The following PCBP3 variants were observed in gnomAD, a reference collection of about 807,000 sequenced individuals.
PCBP3 encodes the protein poly(rC)-binding protein 3.
PCBP3 carries 25 observed loss-of-function variants against 52.7 expected under a neutral mutation model. That is an observed-to-expected ratio of 0.47 (90% confidence interval 0.35 to 0.66). PCBP3 has a LOEUF of 0.66. Ranked by LOEUF, PCBP3 falls within the 30% of genes least tolerant of loss-of-function variation. The pLI is 0.01. For missense variants in PCBP3, 391 were observed against 490.3 expected, an observed-to-expected ratio of 0.80 and a Z score of 1.91; for synonymous variants, 162 against 183.0, an observed-to-expected ratio of 0.89 and a Z score of 0.93.
chr21:45,704,745 A>G lies in PCBP3; in HGVS notation c.-199-30647A>G, dbSNP rs556675349. Among the ~76,000 whole-genome samples the G allele has an allele frequency of 1.3e-5, 2 of 152,334 alleles. No individual in the cohort carries two copies. Among genetic ancestry groups the G allele is most frequent in the East Asian group, 1.9e-4 (1 of 5,190 alleles). ...TGGAAGAACAGAAGTTGCTGCTGGC[A>G]GAGTTCCAAAACATGAAAATGTAAA... On this transcript the variant is annotated intron_variant, in intron 2 of 17. Transcript: ENST00000681687. This position sits in a 1 kb window ranked among gnomAD's most constrained non-coding sequence, Gnocchi z 4.1.
intron 5 of PCBP3, among the ~76,000 whole-genome samples, 192 bp downstream of exon 5, chr21:45,850,287 TAGC>T (rs2093944181): frequency 6.6e-6 from 1 of 152,226 alleles, no homozygotes; most frequent in African/African-American, 2.4e-5. Flanking sequence ...CTGCTTTTGA[TAGC>T]AGTGAGCTGG....
In PCBP3 at chr21:45,737,563, G is replaced by A. The variant is rs1004598529; in HGVS notation, c.-162+2134G>A. Among the ~76,000 whole-genome samples the A allele has an allele frequency of 1.3e-5, 2 of 152,192 alleles. No individual in the cohort carries two copies. The highest frequency in any genetic ancestry group is 2.4e-5 in the African/African-American group (1 of 41,450). On this transcript the variant is annotated intron_variant, in intron 3 of 17. Transcript: ENST00000681687. This position sits in a 1 kb window ranked among gnomAD's most constrained non-coding sequence, Gnocchi z 4.9. ...ATAAACCAGCGTGCTGGGGTGGGGC[G>A]AGCCCGACCATGCAAGCCATGCCCC...
At chr21:45,646,100 T>TCTCTCG (rs2079272369) in intron 1 of PCBP3, among the ~76,000 whole-genome samples, 11 of 99,670 alleles carry the variant, frequency 1.1e-4, no homozygotes, top group African/African-American at 3.6e-4. Context: ...TCTCTCTCTC[T>TCTCTCG]CTCTCTCTGT....
At chr21:45,916,249 AG>A (rs1481686039) in intron 12 of PCBP3, 2 of 152,298 alleles carry the variant, frequency 1.3e-5, no homozygotes, top group Non-Finnish European at 2.9e-5. Context: ...GGCGGCTCCC[AG>A]CATGAGTTCC....
chr21:45,672,652 A>G (rs2081244048), intron 2 of PCBP3, among the ~76,000 whole-genome samples: 1 of 152,002 alleles, frequency 6.6e-6, no homozygotes, highest in Non-Finnish European at 1.5e-5. Flanking sequence ...GGGTATCTTG[A>G]GGCTTAACAT....
chr21:45,816,328 C>T (rs1018423962), intron 4 of PCBP3, among the ~76,000 whole-genome samples: 9 of 152,014 alleles, frequency 5.9e-5, no homozygotes, highest in African/African-American at 1.9e-4. Flanking sequence ...TAACTTTTGA[C>T]TCTTTTGTAA....
intron 13 of PCBP3, among the ~76,000 whole-genome samples, chr21:45,923,371 T>G (rs1261137223): frequency 6.6e-6 from 1 of 152,240 alleles, no homozygotes; most frequent in East Asian, 1.9e-4. Flanking sequence ...TGGCCCCACC[T>G]GCTGTCAGAG....
intron 5 of PCBP3, among the ~76,000 whole-genome samples, chr21:45,851,467 G>A (rs1432402782): frequency 6.6e-6 from 1 of 152,196 alleles, no homozygotes; most frequent in Non-Finnish European, 1.5e-5. Flanking sequence ...AGCCAAGATT[G>A]TGCCCTTGCA....
chr21:45,739,984 A>C (rs1027048664), intron 3 of PCBP3, among the ~76,000 whole-genome samples: 1 of 152,156 alleles, frequency 6.6e-6, no homozygotes, highest in Non-Finnish European at 1.5e-5. Context: ...ATCCACCCTC[A>C]CTTGCCTAGT....
At position 45,896,321 on chromosome 21, in the gene PCBP3, C is replaced by T; in HGVS notation, c.124C>T (p.Leu42=). The T allele has an allele frequency of 6.4e-7, 1 of 1,552,082 alleles. No homozygotes were observed. Among genetic ancestry groups the T allele is most frequent in the Non-Finnish European group, 8.7e-7 (1 of 1,147,116 alleles). ...GGAGTCCAAGGTCTCAGAAGGTGGCCTGAATGTGACCCTCACCATCCGCCT... is the reference window on the plus strand; with the variant it reads ...GGAGTCCAAGGTCTCAGAAGGTGGCTTGAATGTGACCCTCACCATCCGCCT... The part of the protein sequence containing the change: ...RMESKVSEGG[L]NVTLTIRLLM... The change falls in exon 6 of 18, where the codon CTG becomes TTG. Residue 42 remains leucine (L), a synonymous_variant. Transcript: ENST00000681687.
At chr21:45,653,695 TAATTGG>T (rs2079833694) in intron 1 of PCBP3, among the ~76,000 whole-genome samples, 1 of 152,182 alleles carries the variant, frequency 6.6e-6, no homozygotes, top group African/African-American at 2.4e-5. Flanking sequence ...CTTTGTCTTT[TAATTGG>T]AACAGTTCAT....
Position 45,740,584 on chromosome 21 carries a change from G to A in PCBP3, c.-162+5155G>A, listed in dbSNP as rs180944349. On this transcript the variant is annotated intron_variant, in intron 3 of 17. Coordinates refer to ENST00000681687, the MANE Select transcript of PCBP3 (RefSeq NM_001384156.1). ...CTGAACCTAGAAAGCTGAGAGGTGCGTGTGTGTGTGCATGTGAGTGTGTGT... is the reference window on the plus strand; with the variant it reads ...CTGAACCTAGAAAGCTGAGAGGTGCATGTGTGTGTGCATGTGAGTGTGTGT... Among the ~76,000 whole-genome samples the A allele has an allele frequency of 1.1e-3, 166 of 151,282 alleles. 1 individual carries two copies. Among genetic ancestry groups the A allele is most frequent in the African/African-American group, 3.8e-3 (158 of 41,040 alleles).
Position 45,827,105 on chromosome 21 carries a change from C to T in PCBP3, c.-125-22856C>T, listed in dbSNP as rs1055784945. Among the ~76,000 whole-genome samples, 3 of 152,194 alleles carry T rather than the reference C, an allele frequency of 2.0e-5. No homozygotes were observed. Among genetic ancestry groups the T allele is most frequent in the Admixed American group, 1.3e-4 (2 of 15,286 alleles). On this transcript the variant is annotated intron_variant, in intron 4 of 17. Transcript: ENST00000681687. This position sits in a 1 kb window ranked among gnomAD's most constrained non-coding sequence, Gnocchi z 4.3. ...CTCTCAAGAGCGCTCCCCACTCCCG[C>T]GTCCCTGGGGACCACACGGGGACTG...
chr21:45,839,662 T>A (rs964975), intron 4 of PCBP3, among the ~76,000 whole-genome samples: 2 of 152,134 alleles, frequency 1.3e-5, no homozygotes, highest in Non-Finnish European at 2.9e-5. Flanking sequence ...CCTACGCTAA[T>A]GTGTGTGTTT....
At chr21:45,685,283 G>A (rs1039601419) in intron 2 of PCBP3, among the ~76,000 whole-genome samples, 3 of 152,154 alleles carry the variant, frequency 2.0e-5, no homozygotes, top group Non-Finnish European at 4.4e-5. Flanking sequence ...TGGATACAGA[G>A]TTTCAGTTTT....
At chr21:45,814,564 ATGAGTG>A (rs2092785639) in intron 4 of PCBP3, among the ~76,000 whole-genome samples, 1 of 64,072 alleles carries the variant, frequency 1.6e-5, no homozygotes, top group East Asian at 5.6e-4. Flanking sequence ...GTGATGAGTG[ATGAGTG>A]GTGAGTGGTG....
intron 4 of PCBP3, among the ~76,000 whole-genome samples, chr21:45,794,369 C>G (rs2091806022): frequency 6.6e-6 from 1 of 152,040 alleles, no homozygotes; most frequent in Admixed American, 6.5e-5. Flanking sequence ...CAAGCCAAGA[C>G]CGTGCCTCTG....
At chr21:45,731,150 T>C (rs2085423274) in intron 2 of PCBP3, among the ~76,000 whole-genome samples, 1 of 152,186 alleles carries the variant, frequency 6.6e-6, no homozygotes, top group Non-Finnish European at 1.5e-5. Context: ...CTTTCTATGA[T>C]CAGTTTTATT....
intron 4 of PCBP3, among the ~76,000 whole-genome samples, chr21:45,823,395 A>G (rs2093205816): frequency 6.6e-6 from 1 of 152,190 alleles, no homozygotes; most frequent in African/African-American, 2.4e-5. Flanking sequence ...GATTCGGTTG[A>G]GGTGGTGTCT....
Sources: gnomAD v4.1 joint callset for allele counts (sites outside exome capture counted in the v4.1 genomes callset) on GRCh38, gnomAD v4.1.1 for gene constraint, Gnocchi (gnomAD v3.1) non-coding constraint, MANE v1.5 for transcripts, NCBI Gene and HGNC (gene_info 2026-07-23, HGNC 2026-07-21) for gene names.